The following FBLN5 variants were observed in gnomAD, a reference collection of about 807,000 sequenced individuals.
The protein encoded by FBLN5 is fibulin 5, also known as fibulin-5.
FBLN5 carries 24 observed loss-of-function variants against 61.6 expected under a neutral mutation model. That is an observed-to-expected ratio of 0.39 (90% CI 0.28 to 0.55). FBLN5 has a LOEUF of 0.55. FBLN5 is among the 20% of genes least tolerant of loss of function. The probability of loss-of-function intolerance (pLI) is 0.65; values close to 1 mark genes in which losing one functional copy is unlikely to be tolerated. For synonymous variants in FBLN5, 213 were observed against 219.8 expected, an observed-to-expected ratio of 0.97 and a Z score of 0.27; for missense variants, 470 against 594.1, an observed-to-expected ratio of 0.79 and a Z score of 2.17.
At chr14:91,919,554 C>T (rs2055698172) in intron 4 of FBLN5, among the ~76,000 whole-genome samples, 1 of 152,090 alleles carries the variant, frequency 6.6e-6, no homozygotes, top group Non-Finnish European at 1.5e-5. Flanking sequence ...CCCCCAGTAC[C>T]TCAGAATGTG....
At chr14:91,940,453 C>G in intron 3 of FBLN5, 112 bp downstream of exon 3, 1 of 906,476 alleles carries the variant, frequency 1.1e-6, no homozygotes, top group Non-Finnish European at 1.8e-6. Flanking sequence ...TTCCATGTCA[C>G]TGTATTCTCC....
intron 3 of FBLN5, 130 bp from the exon 4 acceptor site, chr14:91,937,331 G>A (rs556839719): frequency 3.6e-4 from 424 of 1,181,412 alleles, no homozygotes; most frequent in Non-Finnish European, 4.7e-4. Flanking sequence ...CCAACTCATC[G>A]CGGTAAGGTA....
chr14:91,917,810 A>G (rs1465207192), intron 4 of FBLN5, among the ~76,000 whole-genome samples: 1 of 152,140 alleles, frequency 6.6e-6, no homozygotes, highest in Non-Finnish European at 1.5e-5. Context: ...TAACAAGTGA[A>G]TGTATTTCAC....
chr14:91,903,352 T>C (rs537928725), intron 4 of FBLN5, among the ~76,000 whole-genome samples: 1 of 152,200 alleles, frequency 6.6e-6, no homozygotes, highest in Non-Finnish European at 1.5e-5. Context: ...CCTCCCTTGA[T>C]CACTGGTGGG....
intron 4 of FBLN5, among the ~76,000 whole-genome samples, chr14:91,908,611 G>T (rs1216371530): frequency 2.0e-5 from 3 of 152,192 alleles, no homozygotes; most frequent in Non-Finnish European, 4.4e-5. Context: ...AAATGCTGCT[G>T]GGGGCAGAAT....
At position 91,936,857 on chromosome 14, in the gene FBLN5, A is replaced by G. The variant is rs985296548; in HGVS notation, c.379+90T>C. 5 of 1,476,506 alleles carry G rather than the reference A, an allele frequency of 3.4e-6. No homozygotes were observed. In the South Asian group the frequency reaches 5.7e-5, roughly 17 times the overall value. The allele number at this position is 1,476,506 out of a possible 1,614,324, so 91.5% of individuals were successfully genotyped here. A position where few individuals can be genotyped will look rare whatever the true frequency, so the allele number is the denominator to read the frequency against. ...TGTTTCACTGGTGCATTGAATGGCA[A>G]CTAACAACCCATTTGTGGTGAGCAT... On this transcript the variant is annotated intron_variant, in intron 4 of 10. Coordinates refer to ENST00000342058, the MANE Select transcript of FBLN5 (RefSeq NM_006329.4).
intron 3 of FBLN5, among the ~76,000 whole-genome samples, chr14:91,937,761 C>A (rs1326293185): frequency 6.6e-6 from 1 of 152,176 alleles, no homozygotes; most frequent in African/African-American, 2.4e-5. Flanking sequence ...TTGGACTTCT[C>A]AGCTTCCACA....
intron 4 of FBLN5, among the ~76,000 whole-genome samples, chr14:91,899,729 A>G (rs1163655605): frequency 6.6e-6 from 1 of 152,240 alleles, no homozygotes; most frequent in Non-Finnish European, 1.5e-5. Flanking sequence ...TATGTCTCAC[A>G]TTCCCCAGCC....
intron 3 of FBLN5, among the ~76,000 whole-genome samples, chr14:91,939,022 T>G (rs1011756211): frequency 6.6e-6 from 1 of 152,212 alleles, no homozygotes; most frequent in African/African-American, 2.4e-5. Flanking sequence ...GGACAGGGTT[T>G]TATTCCTCAC....
Position 91,947,350 on chromosome 14 carries a change from A to T in FBLN5, c.-121T>A. Reference sequence around the variant, plus strand: ...TCGGGGCTCGCGGGTGTTTTATTCCAGAGGGGCCGAGCGAGTCGTGGAGAG... The same window carrying T: ...TCGGGGCTCGCGGGTGTTTTATTCCTGAGGGGCCGAGCGAGTCGTGGAGAG... On this transcript the variant is annotated 5_prime_UTR_variant, in exon 1 of 11. Coordinates refer to ENST00000342058, the MANE Select transcript of FBLN5 (RefSeq NM_006329.4). This position sits in a 1 kb window ranked among gnomAD's most constrained non-coding sequence, Gnocchi z 4.3. 2 of 1,142,880 alleles carry T rather than the reference A, an allele frequency of 1.7e-6. No individual in the cohort carries two copies. Among genetic ancestry groups the T allele is most frequent in the Non-Finnish European group, 2.6e-6 (2 of 766,482 alleles). 70.8% of individuals were successfully genotyped at this position (1,142,880 alleles called of 1,614,324 possible).
intron 4 of FBLN5, among the ~76,000 whole-genome samples, chr14:91,919,995 CT>C (rs1226403181): frequency 6.6e-6 from 1 of 152,224 alleles, no homozygotes; most frequent in Non-Finnish European, 1.5e-5. Context: ...TCTCCCTCCC[CT>C]GTCTGGTTTC....
Position 91,877,654 on chromosome 14 carries a change from C to A in FBLN5, c.1018G>T (p.Gly340Cys), listed in dbSNP as rs769350067. ...ATGGTAAAGGGCTGGTCTCTGCAGC[C>A]AGGGTTCTCAGCAGGACACATACAG... ...NRCMCPAENP[G>C]CRDQPFTILY... The change falls in exon 10 of 11, where the codon GGC (glycine) becomes TGC (cysteine). Residue 340 changes from glycine to cysteine, a missense_variant. Physicochemically the swap from Gly to Cys is radical, Grantham distance 159. Transcript: ENST00000342058. The A allele has an allele frequency of 6.2e-7, 1 of 1,614,130 alleles. No individual in the cohort carries two copies. Among genetic ancestry groups the A allele is most frequent in the South Asian group, 1.1e-5 (1 of 91,080 alleles).
At chr14:91,919,395 AAGGAAGG>A (rs761159553) in intron 4 of FBLN5, among the ~76,000 whole-genome samples, 7 of 119,082 alleles carry the variant, frequency 5.9e-5, no homozygotes, top group Non-Finnish European at 5.3e-5. Context: ...GAAAGAAAGG[AAGGAAGG>A]AAGGAAGGAA....
At chr14:91,890,043 T>C (rs1360498102) in intron 6 of FBLN5, among the ~76,000 whole-genome samples, 1 of 152,094 alleles carries the variant, frequency 6.6e-6, no homozygotes, top group African/African-American at 2.4e-5. Flanking sequence ...AGGCGCCCCC[T>C]CCTGCTCCAG....
intron 4 of FBLN5, among the ~76,000 whole-genome samples, chr14:91,922,427 G>GA (rs1269209671): frequency 6.6e-6 from 1 of 152,168 alleles, no homozygotes; most frequent in Non-Finnish European, 1.5e-5. Context: ...TGAGCTGGTG[G>GA]ACACGAAAGC....
At chr14:91,889,171 C>T (rs1038261902) in intron 6 of FBLN5, among the ~76,000 whole-genome samples, 2 of 152,178 alleles carry the variant, frequency 1.3e-5, no homozygotes, top group Admixed American at 6.5e-5. Flanking sequence ...GTTTCCCCAC[C>T]GGGGACAGGA....
At chr14:91,885,103 A>C (rs1889667243) in intron 7 of FBLN5, among the ~76,000 whole-genome samples, 1 of 152,204 alleles carries the variant, frequency 6.6e-6, no homozygotes, top group African/African-American at 2.4e-5. Flanking sequence ...GCGGAAATGG[A>C]GAAGTGCAGA....
chr14:91,940,468 G>T (rs749419139), intron 3 of FBLN5, 97 bp downstream of exon 3: 71 of 1,008,846 alleles, frequency 7.0e-5, no homozygotes, highest in Non-Finnish European at 1.1e-4. Context: ...TTCTCCCATG[G>T]GCATGGCTAA....
At chr14:91,876,397 G>T (rs1889163235) in intron 10 of FBLN5, among the ~76,000 whole-genome samples, 1 of 152,212 alleles carries the variant, frequency 6.6e-6, no homozygotes, top group African/African-American at 2.4e-5. Context: ...ATTCCTGGGT[G>T]CAGTATGCTG....
Sources: allele counts gnomAD v4.1 joint callset (sites outside exome capture counted in the v4.1 genomes callset), GRCh38; gene constraint gnomAD v4.1.1; non-coding constraint Gnocchi (gnomAD v3.1); transcripts MANE v1.5; gene names NCBI Gene and HGNC (gene_info 2026-07-23, HGNC 2026-07-21).